The following GRM7 variants were observed in gnomAD, a reference collection of about 807,000 sequenced individuals.
The protein encoded by GRM7 is metabotropic glutamate receptor 7.
Under a neutral mutation model 84.5 loss-of-function variants are expected in GRM7, and 35 were observed. The observed-to-expected ratio is 0.41, with a 90% CI of 0.32 to 0.55. The LOEUF is 0.55. GRM7 is among the 20% of genes least tolerant of loss of function. GRM7 has a pLI of 0.19. For missense variants in GRM7, 1,003 were observed against 1,194.6 expected, an observed-to-expected ratio of 0.84 and a Z score of 2.36; for synonymous variants, 487 against 455.1, an observed-to-expected ratio of 1.07 and a Z score of -0.89.
intron 8 of GRM7, among the ~76,000 whole-genome samples, chr3:7,593,548 T>G (rs1211483655): frequency 6.6e-6 from 1 of 152,154 alleles, no homozygotes; most frequent in Non-Finnish European, 1.5e-5. Context: ...GTATTAGATG[T>G]GAATGGTCAG....
chr3:7,052,569 A>G (rs990272914), intron 1 of GRM7, among the ~76,000 whole-genome samples: 1 of 151,100 alleles, frequency 6.6e-6, no homozygotes, highest in African/African-American at 2.4e-5. Context: ...ATATACACAC[A>G]CAGACAAGTC....
intron 1 of GRM7, among the ~76,000 whole-genome samples, chr3:7,090,819 T>G (rs1272944672): frequency 2.0e-5 from 3 of 152,180 alleles, no homozygotes; most frequent in Non-Finnish European, 4.4e-5. Context: ...GGTTGTTAAC[T>G]CAAGGTCAGC....
intron 2 of GRM7, among the ~76,000 whole-genome samples, chr3:7,153,461 C>T (rs960259758): frequency 7.2e-5 from 11 of 152,084 alleles, no homozygotes. Flanking sequence ...CAGTATGCTA[C>T]ATTTGACTTT....
chr3:7,402,048 A>T (rs918686684), intron 4 of GRM7, among the ~76,000 whole-genome samples: 2 of 152,134 alleles, frequency 1.3e-5, no homozygotes, highest in African/African-American at 4.8e-5. Context: ...TTCTCCCTCC[A>T]TGTCTTTTTT....
chr3:7,242,419 C>T (rs1697594221), intron 2 of GRM7, among the ~76,000 whole-genome samples: 2 of 152,098 alleles, frequency 1.3e-5, no homozygotes, highest in Non-Finnish European at 2.9e-5. Context: ...TGTGTAAGAT[C>T]TCTTGCAGTG....
intron 8 of GRM7, among the ~76,000 whole-genome samples, chr3:7,603,808 G>T (rs1218114069): frequency 6.6e-6 from 1 of 152,220 alleles, no homozygotes; most frequent in East Asian, 1.9e-4. Flanking sequence ...ACATGTTTAA[G>T]ATTTTATTAT....
intron 4 of GRM7, among the ~76,000 whole-genome samples, chr3:7,343,289 G>A (rs746655215): frequency 4.0e-5 from 6 of 151,866 alleles, no homozygotes; most frequent in African/African-American, 7.3e-5. Flanking sequence ...ACTGGAGTGC[G>A]GTAGCATGGT....
chr3:7,614,403 G>A (rs761483554), intron 8 of GRM7, among the ~76,000 whole-genome samples: 4 of 152,244 alleles, frequency 2.6e-5, no homozygotes, highest in Admixed American at 6.5e-5. Flanking sequence ...AAGAATGCAC[G>A]TGCAAGGAAC....
intron 2 of GRM7, among the ~76,000 whole-genome samples, chr3:7,179,257 C>G (rs1695257893): frequency 6.6e-6 from 1 of 152,212 alleles, no homozygotes; most frequent in Non-Finnish European, 1.5e-5. Flanking sequence ...TGCACCGACA[C>G]AAAACACCAT....
At position 7,425,396 on chromosome 3, in the gene GRM7, A is replaced by G. The variant is rs148869105; in HGVS notation, c.1174+10233A>G. Among the ~76,000 whole-genome samples the G allele has an allele frequency of 5.4e-4, 82 of 152,316 alleles. No individual in the cohort carries two copies. In the East Asian group the frequency reaches 0.016, roughly 29 times the overall value. ...TTGTTCAGAGGCAGCATAGTTACAC[A>G]AGAGGGAATTGTAGCCCTGACTATA... On this transcript the variant is annotated intron_variant, in intron 5 of 9. Transcript: ENST00000357716.
intron 8 of GRM7, among the ~76,000 whole-genome samples, chr3:7,640,212 A>G (rs1016545069): frequency 6.6e-6 from 1 of 152,184 alleles, no homozygotes. Context: ...TTCTTAGCTC[A>G]CTAGATGACT....
rs577457186 is a variant in GRM7 at position 6,995,825 on chromosome 3, G to A, written c.519+133918G>A. ...GAACACATATAAGCAAGGGACCATG[G>A]GAAGAAGTTTCCTGACTTCTTATCA... is the stretch of plus-strand genomic sequence containing the variant. On this transcript the variant is annotated intron_variant, in intron 1 of 9. Coordinates refer to ENST00000357716, the MANE Select transcript of GRM7 (RefSeq NM_000844.4). 9.2e-5 allele frequency among the ~76,000 whole-genome samples: 14 copies of A among 152,112 alleles called. 1 individual carries two copies. In the South Asian group the frequency reaches 2.9e-3, roughly 32 times the overall value.
intron 1 of GRM7, among the ~76,000 whole-genome samples, chr3:6,865,114 C>A (rs1189251950): frequency 6.6e-6 from 1 of 152,164 alleles, no homozygotes; most frequent in Non-Finnish European, 1.5e-5. Context: ...ACTGCAACTG[C>A]CCTGCAATGC....
At chr3:6,958,370 G>C (rs1693154195) in intron 1 of GRM7, among the ~76,000 whole-genome samples, 1 of 151,294 alleles carries the variant, frequency 6.6e-6, no homozygotes, top group Non-Finnish European at 1.5e-5. Context: ...TTACTTTTTT[G>C]TTGCTGAATA....
chr3:7,166,649 C>T (rs182646478), intron 2 of GRM7, among the ~76,000 whole-genome samples: 1 of 152,244 alleles, frequency 6.6e-6, no homozygotes, highest in East Asian at 1.9e-4. Flanking sequence ...AACCACTAGG[C>T]CATGTACACC....
intron 2 of GRM7, among the ~76,000 whole-genome samples, chr3:7,224,113 C>T (rs894872984): frequency 6.6e-6 from 1 of 152,118 alleles, no homozygotes; most frequent in African/African-American, 2.4e-5. Flanking sequence ...TACATGACAT[C>T]TGGCTATTTA....
intron 4 of GRM7, among the ~76,000 whole-genome samples, chr3:7,412,985 G>GAC (rs59610581): frequency 0.033 from 4,958 of 148,776 alleles, 84 homozygotes; most frequent in Middle Eastern, 0.066. Context: ...AATTCACTAT[G>GAC]ACACACACAC....
At chr3:7,422,948 AC>A (rs1343349468) in intron 5 of GRM7, among the ~76,000 whole-genome samples, 2 of 152,180 alleles carry the variant, frequency 1.3e-5, no homozygotes, top group Non-Finnish European at 2.9e-5. Context: ...ATGGATGGCA[AC>A]CCAGATCTTT....
chr3:7,120,029 A>G lies in GRM7; in HGVS notation c.520-26423A>G, dbSNP rs139537166. 3.7e-3 allele frequency among the ~76,000 whole-genome samples: 559 copies of G among 152,234 alleles called. 1 individual carries two copies. Among genetic ancestry groups the G allele is most frequent in the African/African-American group, 0.012 (516 of 41,552 alleles). The stretch of plus-strand genomic sequence containing the variant: ...TTTTTTCTTTCCTCACAGTCCTACA[A>G]ATAAATCCTAGGAGATTGAGAGATA... On this transcript the variant is annotated intron_variant, in intron 1 of 9. Coordinates refer to ENST00000357716, the MANE Select transcript of GRM7 (RefSeq NM_000844.4).
Sources: allele counts gnomAD v4.1 joint callset (sites outside exome capture counted in the v4.1 genomes callset), GRCh38; gene constraint gnomAD v4.1.1; transcripts MANE v1.5; gene names NCBI Gene and HGNC (gene_info 2026-07-23, HGNC 2026-07-21).